Variants in CA10 observed in about 807,000 individuals in gnomAD.
The protein encoded by CA10 is carbonic anhydrase-related protein 10.
Under a neutral mutation model 44.2 loss-of-function variants are expected in CA10, and 14 were observed. The ratio of observed to expected loss-of-function variants is 0.32; its 90% confidence interval spans 0.21 to 0.50. The LOEUF (loss-of-function observed/expected upper bound fraction) is 0.50, where lower values mean the gene tolerates loss of function less well. Among genes scored for constraint, CA10 ranks in the 20% least tolerant of loss-of-function variants. The pLI is 0.99. For synonymous variants in CA10, 159 were observed against 141.6 expected, an observed-to-expected ratio of 1.12 and a Z score of -0.87; for missense variants, 350 against 409.7, an observed-to-expected ratio of 0.85 and a Z score of 1.26.
At chr17:51,745,002 G>A (rs1049704947) in intron 4 of CA10, among the ~76,000 whole-genome samples, 4 of 152,326 alleles carry the variant, frequency 2.6e-5, no homozygotes, top group Admixed American at 2.6e-4. Flanking sequence ...GGGCAAGGTA[G>A]ATTATACCTA....
chr17:52,033,818 A>C (rs1386539987), intron 2 of CA10, among the ~76,000 whole-genome samples: 1 of 152,214 alleles, frequency 6.6e-6, no homozygotes, highest in Non-Finnish European at 1.5e-5. Context: ...AATTATATAC[A>C]ATAGGGTTTG....
intron 3 of CA10, among the ~76,000 whole-genome samples, chr17:51,771,464 T>A (rs1369615984): frequency 3.9e-5 from 6 of 152,154 alleles, no homozygotes; most frequent in Admixed American, 3.9e-4. Context: ...TTATATCACC[T>A]CCCAGAATTA....
intron 2 of CA10, among the ~76,000 whole-genome samples, chr17:51,943,836 AACATG>A (rs2144020832): frequency 6.6e-6 from 1 of 152,322 alleles, no homozygotes; most frequent in Admixed American, 6.5e-5. Flanking sequence ...CAAGGTCAGC[AACATG>A]ACCTTAACAA....
intron 3 of CA10, among the ~76,000 whole-genome samples, chr17:51,887,710 C>G (rs1456799516): frequency 6.6e-6 from 1 of 151,820 alleles, no homozygotes; most frequent in Non-Finnish European, 1.5e-5. Context: ...CACTTGTAAC[C>G]CCAGCACTTT....
chr17:51,751,430 A>G (rs142965216), intron 3 of CA10, among the ~76,000 whole-genome samples: 2 of 152,340 alleles, frequency 1.3e-5, no homozygotes, highest in Admixed American at 6.5e-5. Flanking sequence ...ATTGTATGTC[A>G]TATGTATTTT....
chr17:51,692,235 G>A (rs1312173710), intron 4 of CA10, among the ~76,000 whole-genome samples: 1 of 92,804 alleles, frequency 1.1e-5, no homozygotes, highest in African/African-American at 4.2e-5. Context: ...TTATTCTTAG[G>A]GTTTTTTTTT....
intron 2 of CA10, among the ~76,000 whole-genome samples, chr17:52,016,761 A>C (rs1302684823): frequency 6.6e-6 from 1 of 152,014 alleles, no homozygotes; most frequent in Non-Finnish European, 1.5e-5. Flanking sequence ...AAAAATACAA[A>C]AATTATCCAA....
chr17:52,055,800 T>C (rs1462680247), intron 2 of CA10, among the ~76,000 whole-genome samples: 1 of 152,154 alleles, frequency 6.6e-6, no homozygotes, highest in Non-Finnish European at 1.5e-5. Flanking sequence ...TGAGGCATAA[T>C]TCTGGGCAAC....
chr17:51,878,143 C>CAAAAAAAAAAAAAAAAA (rs558014863), intron 3 of CA10, among the ~76,000 whole-genome samples: 1 of 63,686 alleles, frequency 1.6e-5, no homozygotes, highest in Non-Finnish European at 2.7e-5. Flanking sequence ...GACTCCGTCT[C>CAAAAAAAAAAAAAAAAA]AAAAAAAAAA....
intron 2 of CA10, among the ~76,000 whole-genome samples, chr17:51,997,254 C>T (rs1300469440): frequency 6.6e-6 from 1 of 152,044 alleles, no homozygotes; most frequent in Non-Finnish European, 1.5e-5. Context: ...TATTTTTCTG[C>T]ACTTGTTCAT....
chr17:51,893,177 C>T (rs8071064), intron 3 of CA10, among the ~76,000 whole-genome samples: 21,403 of 151,798 alleles, frequency 0.14, 2,465 homozygotes, highest in African/African-American at 0.32. Context: ...GATATCCTAA[C>T]GAAAAAATAA....
At chr17:52,008,865 T>G (rs1437324258) in intron 2 of CA10, among the ~76,000 whole-genome samples, 1 of 151,966 alleles carries the variant, frequency 6.6e-6, no homozygotes, top group African/African-American at 2.4e-5. Flanking sequence ...GGCATTTTTC[T>G]GCCTTTCTTT....
chr17:52,015,947 C>T (rs547209862), intron 2 of CA10, among the ~76,000 whole-genome samples: 1 of 152,020 alleles, frequency 6.6e-6, no homozygotes, highest in Non-Finnish European at 1.5e-5. Flanking sequence ...GGGAGCTCCT[C>T]AGAGATGGTA....
intron 3 of CA10, among the ~76,000 whole-genome samples, chr17:51,805,197 G>A (rs1323028029): frequency 6.6e-5 from 10 of 152,176 alleles, no homozygotes; most frequent in South Asian, 2.1e-4. Context: ...AACATGCCAT[G>A]TTCTTTCATG....
intron 3 of CA10, among the ~76,000 whole-genome samples, chr17:51,827,559 C>T (rs1327749099): frequency 6.6e-6 from 1 of 152,198 alleles, no homozygotes; most frequent in African/African-American, 2.4e-5. Flanking sequence ...CATATTTTGG[C>T]AAACTCTTAC....
chr17:51,778,839 G>A lies in CA10; in HGVS notation c.280-31021C>T, dbSNP rs139272448. The stretch of plus-strand genomic sequence containing the variant: ...CAGGCTGCTCAGGGAGGAGAGGGGT[G>A]TTTCCTGGAGAAATAAACTGCTTAG... On this transcript the variant is annotated intron_variant, in intron 3 of 8. Transcript: ENST00000451037. 1.4e-3 allele frequency among the ~76,000 whole-genome samples: 213 copies of A among 152,286 alleles called. 1 individual carries two copies. The highest frequency in any genetic ancestry group is 2.4e-3 in the Non-Finnish European group (162 of 68,018).
chr17:51,758,240 A>G (rs1352932175), intron 3 of CA10, among the ~76,000 whole-genome samples: 2 of 152,214 alleles, frequency 1.3e-5, no homozygotes, highest in East Asian at 3.9e-4. Flanking sequence ...ATTATATTAA[A>G]TCATATTATT....
chr17:51,849,205 GTATA>G (rs550889856), intron 3 of CA10, among the ~76,000 whole-genome samples: 3 of 50,406 alleles, frequency 6.0e-5, no homozygotes, highest in Middle Eastern at 0.01. Context: ...ATACATATAT[GTATA>G]TATATATATA....
intron 2 of CA10, among the ~76,000 whole-genome samples, chr17:52,016,626 C>A (rs544974253): frequency 2.0e-5 from 3 of 151,982 alleles, no homozygotes; most frequent in Admixed American, 2.0e-4. Context: ...TTTAAAAGAC[C>A]CTGGGGCCAG....
Sources: allele counts gnomAD v4.1 joint callset (sites outside exome capture counted in the v4.1 genomes callset), GRCh38; gene constraint gnomAD v4.1.1; transcripts MANE v1.5; gene names NCBI Gene and HGNC (gene_info 2026-07-23, HGNC 2026-07-21).